Variants in AUTS2 observed in about 807,000 individuals in gnomAD.
The protein encoded by AUTS2 is activator of transcription and developmental regulator AUTS2.
AUTS2 carries 17 observed loss-of-function variants against 112.4 expected under a neutral mutation model. The ratio of observed to expected loss-of-function variants is 0.15; its 90% CI spans 0.10 to 0.23. The LOEUF (loss-of-function observed/expected upper bound fraction) is 0.23, where lower values mean the gene tolerates loss of function less well. Ranked by LOEUF, AUTS2 falls within the 10% of genes least tolerant of loss-of-function variation. The pLI is 1.00. For missense variants in AUTS2, 1,510 were observed against 1,701.6 expected (o/e 0.89, Z 1.98); for synonymous variants, 751 against 702.7 (o/e 1.07, Z -1.09).
chr7:70,382,539 A>C (rs553665628), intron 4 of AUTS2, among the ~76,000 whole-genome samples: 1 of 152,320 alleles, frequency 6.6e-6, no homozygotes, highest in African/African-American at 2.4e-5. Flanking sequence ...TCCCTTTCAA[A>C]TCTGACTTCT....
At chr7:70,348,532 C>T (rs901008336) in intron 4 of AUTS2, among the ~76,000 whole-genome samples, 8 of 152,118 alleles carry the variant, frequency 5.3e-5, no homozygotes, top group South Asian at 2.1e-4. Context: ...TGGCTGGGCA[C>T]GGTGGCTCAC....
intron 4 of AUTS2, among the ~76,000 whole-genome samples, chr7:70,394,957 A>G (rs1794018159): frequency 6.6e-6 from 1 of 152,212 alleles, no homozygotes; most frequent in South Asian, 2.1e-4. Flanking sequence ...GCCACTAGTA[A>G]GTGAACACAT....
chr7:69,822,476 A>AGCCT (rs1791042225), intron 1 of AUTS2, among the ~76,000 whole-genome samples: 1 of 152,212 alleles, frequency 6.6e-6, no homozygotes, highest in South Asian at 2.1e-4. Flanking sequence ...ATTTGATTCA[A>AGCCT]GCCTGCCTGC....
intron 1 of AUTS2, among the ~76,000 whole-genome samples, chr7:69,800,026 A>G (rs1192921208): frequency 6.6e-6 from 1 of 152,244 alleles, no homozygotes; most frequent in Admixed American, 6.5e-5. Flanking sequence ...ATTATTTGTA[A>G]TAACTCATGT....
At chr7:70,193,741 A>G (rs1810026154) in intron 4 of AUTS2, among the ~76,000 whole-genome samples, 1 of 152,212 alleles carries the variant, frequency 6.6e-6, no homozygotes, top group African/African-American at 2.4e-5. Context: ...TAACATGATA[A>G]AGCAGACCTG....
intron 4 of AUTS2, among the ~76,000 whole-genome samples, chr7:70,169,151 T>A (rs1808535580): frequency 6.6e-6 from 1 of 152,166 alleles, no homozygotes; most frequent in Non-Finnish European, 1.5e-5. Flanking sequence ...AGTTGTTTTA[T>A]TTAAGGAAAA....
intron 5 of AUTS2, among the ~76,000 whole-genome samples, chr7:70,572,609 G>T (rs1801993626): frequency 6.6e-6 from 1 of 152,162 alleles, no homozygotes; most frequent in Non-Finnish European, 1.5e-5. Flanking sequence ...GGAATAAGCA[G>T]AAGTGACTGT....
At chr7:70,531,629 T>C (rs757055032) in intron 5 of AUTS2, among the ~76,000 whole-genome samples, 3 of 152,058 alleles carry the variant, frequency 2.0e-5, no homozygotes, top group Non-Finnish European at 4.4e-5. Flanking sequence ...GGCTCTCATG[T>C]GAACTGATAG....
intron 2 of AUTS2, among the ~76,000 whole-genome samples, chr7:70,057,405 C>T (rs759458716): frequency 3.3e-5 from 5 of 152,052 alleles, no homozygotes; most frequent in African/African-American, 9.7e-5. Context: ...ATTTGAGTCT[C>T]GGATAATGGA....
chr7:69,676,963 C>G (rs560639645), intron 1 of AUTS2, among the ~76,000 whole-genome samples: 1 of 152,146 alleles, frequency 6.6e-6, no homozygotes, highest in African/African-American at 2.4e-5. Flanking sequence ...TCTCATCATT[C>G]ATTTTAACAG....
At chr7:69,988,524 C>A (rs1798606148) in intron 2 of AUTS2, among the ~76,000 whole-genome samples, 1 of 152,150 alleles carries the variant, frequency 6.6e-6, no homozygotes, top group Non-Finnish European at 1.5e-5. Flanking sequence ...ATTGTACATA[C>A]CCTACTATAA....
At chr7:70,504,622 A>T (rs1339092800) in intron 5 of AUTS2, among the ~76,000 whole-genome samples, 1 of 152,154 alleles carries the variant, frequency 6.6e-6, no homozygotes. Context: ...CAGTTACTTG[A>T]TTGGTATCTT....
rs536695185 is a variant in AUTS2 at position 70,657,162 on chromosome 7, C to T, written c.691-41407C>T. On this transcript the variant is annotated intron_variant, in intron 5 of 18. Transcript: ENST00000342771. ...GACAAAGCCCAAGGATGAGTGGCTG[C>T]GGTTGCCAGTCAGCATTCTCTGCAG... 1.1e-3 allele frequency among the ~76,000 whole-genome samples: 169 copies of T among 152,262 alleles called. 2 individuals are homozygous for T. In the South Asian group the frequency reaches 0.02, roughly 18 times the overall value.
chr7:70,662,802 G>C (rs1003899725), intron 5 of AUTS2, among the ~76,000 whole-genome samples: 2 of 152,166 alleles, frequency 1.3e-5, no homozygotes, highest in African/African-American at 2.4e-5. Context: ...TAGGCACAGG[G>C]CATGGTGGGA....
At chr7:69,829,553 C>A (rs1423220531) in intron 1 of AUTS2, among the ~76,000 whole-genome samples, 1 of 151,802 alleles carries the variant, frequency 6.6e-6, no homozygotes, top group Non-Finnish European at 1.5e-5. Context: ...AAAAAAACAC[C>A]ACCACCAAAA....
intron 5 of AUTS2, among the ~76,000 whole-genome samples, chr7:70,680,523 T>C (rs1179057922): frequency 6.6e-6 from 1 of 152,224 alleles, no homozygotes; most frequent in African/African-American, 2.4e-5. Flanking sequence ...CCAGGTCGGT[T>C]CTCTAATCTG....
intron 11 of AUTS2, among the ~76,000 whole-genome samples, chr7:70,772,001 G>A (rs549441223): frequency 6.6e-6 from 1 of 152,272 alleles, no homozygotes; most frequent in South Asian, 2.1e-4. Context: ...TTGTTCCGCA[G>A]GTGTATGTAA....
intron 3 of AUTS2, among the ~76,000 whole-genome samples, chr7:70,131,846 A>G (rs945323714): frequency 6.6e-5 from 10 of 151,976 alleles, no homozygotes; most frequent in Non-Finnish European, 1.0e-4. Context: ...TCTGTTACCA[A>G]TACTTTAATG....
chr7:70,098,719 TG>T (rs1804328953), intron 2 of AUTS2, among the ~76,000 whole-genome samples: 1 of 151,686 alleles, frequency 6.6e-6, no homozygotes, highest in African/African-American at 2.4e-5. Flanking sequence ...TTTTTTTTTT[TG>T]AGACAGAGTT....
Sources: gnomAD v4.1 joint callset for allele counts (sites outside exome capture counted in the v4.1 genomes callset) on GRCh38, gnomAD v4.1.1 for gene constraint, MANE v1.5 for transcripts, NCBI Gene and HGNC (gene_info 2026-07-23, HGNC 2026-07-21) for gene names.